FUS: variants seen among roughly 807,000 people sequenced by gnomAD.
FUS encodes the protein FUS RNA binding protein.
A neutral mutation model predicts 82.7 loss-of-function variants in FUS; 5 were observed. The ratio of observed to expected loss-of-function variants is 0.06; its 90% confidence interval spans 0.03 to 0.13. FUS has a LOEUF of 0.13. FUS is among the 10% of genes least tolerant of loss of function. The pLI, the probability that FUS is intolerant of heterozygous loss-of-function variation, is 1.00. For missense variants in FUS, 512 were observed against 707.8 expected (o/e 0.72, Z 3.14); for synonymous variants, 281 against 247.4 (o/e 1.14, Z -1.27).
chr16:31,192,000 C>T (rs2079368723), downstream of FUS: 4 of 533,142 alleles, frequency 7.5e-6, no homozygotes, highest in African/African-American at 1.9e-5. Context: ...CAGATTTGAC[C>T]ATGGTGGAGA....
At chr16:31,190,653 G>GT in intron 12 of FUS, 89 bp from the exon 13 acceptor site, 1 of 1,324,750 alleles carries the variant, frequency 7.5e-7, no homozygotes, top group South Asian at 1.2e-5. Flanking sequence ...TTTCCTCACT[G>GT]TATCTCTAAA....
chr16:31,188,719 A>G, intron 8 of FUS: 2 of 474,528 alleles, frequency 4.2e-6, no homozygotes, highest in South Asian at 2.5e-5. Flanking sequence ...AGACCTGACC[A>G]CATGAAGTAA....
intron 7 of FUS, chr16:31,188,044 C>T (rs2079296181): frequency 1.9e-6 from 1 of 529,454 alleles, no homozygotes; most frequent in Admixed American, 3.3e-5. Flanking sequence ...GTGCTGAGGA[C>T]ATTTCCCAGC....
intron 14 of FUS, 32 bp downstream of exon 14, chr16:31,191,142 G>A: frequency 6.2e-7 from 1 of 1,610,298 alleles, no homozygotes; most frequent in African/African-American, 1.3e-5. Flanking sequence ...AAAAAGTAGA[G>A]CAGTTGAACA....
intron 1 of FUS, among the ~76,000 whole-genome samples, chr16:31,180,630 T>C (rs1053877234): frequency 1.3e-5 from 2 of 152,052 alleles, no homozygotes; most frequent in African/African-American, 2.4e-5. Flanking sequence ...TGCGGGCCCC[T>C]CCCCCTTCGC....
At chr16:31,185,420 CA>C (rs200021058) in intron 6 of FUS, 501 of 613,164 alleles carry the variant, frequency 8.2e-4, no homozygotes, top group East Asian at 1.4e-3. Context: ...TACTTGTTTC[CA>C]AAAAAAAAGA....
At chr16:31,180,981 C>G (rs900953567) in intron 1 of FUS, among the ~76,000 whole-genome samples, 2 of 151,930 alleles carry the variant, frequency 1.3e-5, no homozygotes, top group South Asian at 4.2e-4. Flanking sequence ...GGTGCGATCT[C>G]AGATCACTGC....
chr16:31,188,353 C>G lies in FUS; in HGVS notation c.828C>G (p.Asp276Glu). 1.2e-6 allele frequency: 2 copies of G among 1,613,366 alleles called. No individual in the cohort carries two copies. Among genetic ancestry groups the G allele is most frequent in the Non-Finnish European group, 8.5e-7 (1 of 1,179,890 alleles). The change falls in exon 8 of 15, where the codon GAC (aspartate) becomes GAG (glutamate). Residue 276 changes from aspartate (D) to glutamate (E), a missense_variant. Physicochemically the swap from Asp to Glu is conservative, Grantham distance 45 (BLOSUM62 2). Around this residue, in one of 6 missense-constraint regions of FUS, gnomAD observed 51 missense variants for 72.2 expected, o/e 0.71. Transcript: ENST00000254108. ...GGPRDQGSRH[D>E]SEQDNSDNNT... ...CTCGGGACCAAGGATCACGTCATGACTCCGGTGAGTTCACACGTGGTGGCA... is the reference window on the plus strand; with the variant it reads ...CTCGGGACCAAGGATCACGTCATGAGTCCGGTGAGTTCACACGTGGTGGCA...
rs1188920208 is a variant in FUS at position 31,184,282 on chromosome 16, G to A, written c.409G>A (p.Gly137Ser). ...GAGCTACAGCCAGCAGCCTAGCTAT[G>A]GTGGACAGCAGCAAAGCTATGGACA... Reference protein sequence around the residue: ...SGSYSQQPSYGGQQQSYGQQQ... With the variant: ...SGSYSQQPSYSGQQQSYGQQQ... The change falls in exon 5 of 15, where the codon GGT becomes AGT. Residue 137 changes from glycine to serine, a missense_variant. Physicochemically the swap from Gly to Ser is moderately conservative, Grantham distance 56 (BLOSUM62 0). This residue lies in a region of FUS where 276 missense variants were observed against 303.3 expected (regional missense o/e 0.91). Transcript: ENST00000254108. 1.9e-6 allele frequency: 3 copies of A among 1,614,026 alleles called. No individual in the cohort carries two copies. In the Admixed American group the frequency reaches 5.0e-5, roughly 27 times the overall value.
At chr16:31,191,242 A>G in intron 14 of FUS, 132 bp downstream of exon 14, 1 of 1,477,706 alleles carries the variant, frequency 6.8e-7, no homozygotes, top group Non-Finnish European at 9.4e-7. Flanking sequence ...AGTAGTGGAG[A>G]GGGAAGGAAA....
At chr16:31,190,551 T>A (rs2079339135) in intron 12 of FUS, 153 bp downstream of exon 12, 4 of 1,257,584 alleles carry the variant, frequency 3.2e-6, no homozygotes, top group Non-Finnish European at 4.7e-6. Context: ...GTAAGGTTGA[T>A]GTAATGGGAA....
chr16:31,189,631 T>A, intron 9 of FUS, 34 bp from the exon 10 acceptor site: 1 of 1,614,032 alleles, frequency 6.2e-7, no homozygotes, highest in Non-Finnish European at 8.5e-7. Flanking sequence ...CTGTAGCCTT[T>A]AAAATTGATG....
At chr16:31,192,948 T>G (rs1246346544), downstream of FUS, 1 of 484,924 alleles carries the variant, frequency 2.1e-6, no homozygotes, top group African/African-American at 2.0e-5. Context: ...CTTGGGTGAT[T>G]TGAGGCACAG....
intron 12 of FUS, 76 bp from the exon 13 acceptor site, chr16:31,190,666 C>T: frequency 5.1e-6 from 7 of 1,382,180 alleles, no homozygotes; most frequent in Non-Finnish European, 6.2e-6. Flanking sequence ...TCTCTAAAGT[C>T]ACCGTAGTTT....
chr16:31,180,287 T>G, intron 1 of FUS, 60 bp downstream of exon 1: 1 of 1,571,578 alleles, frequency 6.4e-7, no homozygotes, highest in Non-Finnish European at 8.6e-7. Flanking sequence ...CCAGCTGGGC[T>G]TTTCGTTTTC....
intron 1 of FUS, 21 bp downstream of exon 1, chr16:31,180,248 A>G: frequency 6.2e-7 from 1 of 1,606,532 alleles, no homozygotes; most frequent in Non-Finnish European, 8.5e-7. Context: ...GCGCGAGGCG[A>G]CGGCGGCGGC....
chr16:31,184,974 G>T lies in FUS; in HGVS notation c.559G>T (p.Gly187Cys), dbSNP rs370954028. The T allele has an allele frequency of 1.2e-6, 2 of 1,613,608 alleles. No individual in the cohort carries two copies. Among genetic ancestry groups the T allele is most frequent in the Admixed American group, 1.7e-5 (1 of 59,956 alleles). ...CCAAGATCAATCCTCCATGAGTAGT[G>T]GTGGTGGCAGTGGTGGCGGTTATGG... ...YGQDQSSMSS[G>C]GGSGGGYGNQ... Residue 187 changes from glycine (G) to cysteine (C), a missense_variant, in exon 6 of 15, where the codon GGT becomes TGT. By Grantham distance (159) the Gly-to-Cys change is radical. Around this residue, in one of 6 missense-constraint regions of FUS, gnomAD observed 276 missense variants for 303.3 expected, o/e 0.91. Transcript: ENST00000254108.
intron 14 of FUS, 143 bp from the exon 15 acceptor site, chr16:31,191,256 A>C (rs1199834578): frequency 6.8e-7 from 1 of 1,471,848 alleles, no homozygotes. Context: ...AAGGAAAATT[A>C]ACTCAGGGGG....
At chr16:31,193,014 T>C (rs975296292), downstream of FUS, 17 of 485,126 alleles carry the variant, frequency 3.5e-5, no homozygotes, top group Middle Eastern at 1.2e-3. Context: ...CAGGCTGGAG[T>C]GCAATGGCAC....
Sources: allele counts gnomAD v4.1 joint callset (sites outside exome capture counted in the v4.1 genomes callset), GRCh38; gene constraint gnomAD v4.1.1; regional missense constraint gnomAD v4.1.1; transcripts MANE v1.5; gene names NCBI Gene and HGNC (gene_info 2026-07-23, HGNC 2026-07-21).